TTBK1: variants seen among roughly 807,000 people sequenced by gnomAD.
The protein encoded by TTBK1 is tau tubulin kinase 1.
TTBK1 carries 34 observed loss-of-function variants against 108.5 expected under a neutral mutation model. The ratio of observed to expected loss-of-function variants is 0.31; its 90% CI spans 0.24 to 0.42. The LOEUF is 0.42. TTBK1 is among the 10% of genes least tolerant of loss of function. The probability of loss-of-function intolerance (pLI) is 1.00; values close to 1 mark genes in which losing one functional copy is unlikely to be tolerated. For missense variants in TTBK1, 1,539 were observed against 1,826.0 expected (o/e 0.84, Z 2.86); for synonymous variants, 809 against 795.1 (o/e 1.02, Z -0.29).
chr6:43,257,850 G>A lies in TTBK1; in HGVS notation c.900G>A (p.Arg300=). ...TGTTTGAGAACAGCATGAAGGAGAG[G>A]GGCATTGCCGAGAATGAGGCCTTTG... is the stretch of plus-strand genomic sequence containing the variant. ...MSVFENSMKE[R]GIAENEAFDW... is the part of the protein sequence containing the mutation. The change falls in exon 10 of 15, where the codon AGG becomes AGA. Residue 300 remains arginine, a synonymous_variant. Transcript: ENST00000259750. This position sits in a 1 kb window ranked among gnomAD's most constrained non-coding sequence, Gnocchi z 4.5. The A allele has an allele frequency of 6.2e-7, 1 of 1,613,948 alleles. No homozygotes were observed. The highest frequency in any genetic ancestry group is 8.5e-7 in the Non-Finnish European group (1 of 1,179,980).
At position 43,284,219 on chromosome 6, in the gene TTBK1, T is replaced by C. The variant is rs757054804; in HGVS notation, c.3479T>C (p.Ile1160Thr). ...AATRSRIPRP[I>T]GLRMPMPVAA... ...ACCAGGAGCCGGATTCCCCGCCCCATTGGCCTCCGCATGCCCATGCCTGTT... is the reference window on the plus strand; with the variant it reads ...ACCAGGAGCCGGATTCCCCGCCCCACTGGCCTCCGCATGCCCATGCCTGTT... Residue 1160 changes from isoleucine (I) to threonine (T), a missense_variant, in exon 14 of 15, where the codon ATT becomes ACT. Ile to Thr is a moderately conservative substitution (Grantham distance 89). Around this residue, in one of 5 missense-constraint regions of TTBK1, gnomAD observed 1,055 missense variants for 1,086.5 expected, o/e 0.97. Coordinates refer to ENST00000259750, the MANE Select transcript of TTBK1 (RefSeq NM_032538.3). 9 of 1,594,440 alleles carry C rather than the reference T, an allele frequency of 5.6e-6. No individual in the cohort carries two copies. Among genetic ancestry groups the C allele is most frequent in the South Asian group, 2.2e-5 (2 of 90,012 alleles).
chr6:43,275,919 A>G (rs1777972289), intron 13 of TTBK1, among the ~76,000 whole-genome samples: 1 of 152,148 alleles, frequency 6.6e-6, no homozygotes, highest in Non-Finnish European at 1.5e-5. Context: ...CCGGGCCCTC[A>G]GAGTTCTCAG....
At chr6:43,272,473 C>G (rs1486363831) in intron 13 of TTBK1, 1 of 985,298 alleles carries the variant, frequency 1.0e-6, no homozygotes, top group African/African-American at 1.7e-5. Flanking sequence ...AAACACACAC[C>G]CCCCACCTCA....
intron 13 of TTBK1, among the ~76,000 whole-genome samples, chr6:43,274,953 C>T (rs1777926078): frequency 6.6e-6 from 1 of 152,286 alleles, no homozygotes; most frequent in East Asian, 1.9e-4. Flanking sequence ...GACTCTCCTC[C>T]GCTTGGCTCC....
chr6:43,283,298 T>C lies in TTBK1; in HGVS notation c.2558T>C (p.Leu853Pro). ...DMKKSPVTAE[L>P]APDPDLGTLA... ...AAGAAGTCGCCCGTCACTGCCGAACTGGCCCCCGACCCCGACCTGGGCACC... is the reference window on the plus strand; with the variant it reads ...AAGAAGTCGCCCGTCACTGCCGAACCGGCCCCCGACCCCGACCTGGGCACC... Residue 853 changes from leucine (L) to proline (P), a missense_variant, in exon 14 of 15, where the codon CTG (leucine) becomes CCG (proline). Physicochemically the swap from Leu to Pro is moderately conservative, Grantham distance 98 (BLOSUM62 -3). Coordinates refer to ENST00000259750, the MANE Select transcript of TTBK1 (RefSeq NM_032538.3). This position sits in a 1 kb window ranked among gnomAD's most constrained non-coding sequence, Gnocchi z 8.1. The C allele has an allele frequency of 1.3e-6, 2 of 1,573,684 alleles. No individual in the cohort carries two copies. Among genetic ancestry groups the C allele is most frequent in the Non-Finnish European group, 1.7e-6 (2 of 1,159,588 alleles).
At chr6:43,277,551 G>A (rs1347005795) in intron 13 of TTBK1, among the ~76,000 whole-genome samples, 5 of 152,230 alleles carry the variant, frequency 3.3e-5, no homozygotes, top group African/African-American at 1.2e-4. Context: ...TCGCCCTGGG[G>A]CAGGCAAGGG....
chr6:43,284,096 G>A lies in TTBK1; in HGVS notation c.3356G>A (p.Arg1119His), dbSNP rs1244850827. 2.1e-5 allele frequency: 32 copies of A among 1,539,876 alleles called. No individual in the cohort carries two copies. In the African/African-American group the frequency reaches 2.2e-4, roughly 11 times the overall value. ...ASSSSSEEQR[R>H]ASETLSGTGS... ...TCCTCCTCCAGTGAGGAGCAGCGCC[G>A]TGCCTCTGAGACCCTCTCAGGCACG... Residue 1119 changes from arginine (R) to histidine (H), a missense_variant, in exon 14 of 15, where the codon CGT (arginine) becomes CAT (histidine). Physicochemically the swap from Arg to His is conservative, Grantham distance 29 (BLOSUM62 0). Coordinates refer to ENST00000259750, the MANE Select transcript of TTBK1 (RefSeq NM_032538.3).
At position 43,263,424 on chromosome 6, in the gene TTBK1, A is replaced by C; in HGVS notation, c.1986+74A>C. ...CTGGTGTGTAGGCCTGGGGTGCTCC[A>C]TGTGTGCTGGCACTACTGACCAGTA... is the stretch of plus-strand genomic sequence containing the variant. On this transcript the variant is annotated intron_variant, in intron 13 of 14. Transcript: ENST00000259750. This position sits in a 1 kb window ranked among gnomAD's most constrained non-coding sequence, Gnocchi z 4.7. 7.3e-7 allele frequency: 1 copy of C among 1,374,264 alleles called. No individual in the cohort carries two copies. The highest frequency in any genetic ancestry group is 9.6e-7 in the Non-Finnish European group (1 of 1,040,052). The allele number at this position is 1,374,264 out of a possible 1,614,324, so 85.1% of individuals were successfully genotyped here. A position where few individuals can be genotyped will look rare whatever the true frequency, so the allele number is the denominator to read the frequency against.
In TTBK1 at chr6:43,273,660, G is replaced by C. The variant is rs547169104; in HGVS notation, c.1987-9067G>C. Among the ~76,000 whole-genome samples, 2 of 152,320 alleles carry C rather than the reference G, an allele frequency of 1.3e-5. No individual in the cohort carries two copies. Among genetic ancestry groups the C allele is most frequent in the African/African-American group, 4.8e-5 (2 of 41,556 alleles). On this transcript the variant is annotated intron_variant, in intron 13 of 14. Transcript: ENST00000259750. This position sits in a 1 kb window ranked among gnomAD's most constrained non-coding sequence, Gnocchi z 4.2. ...TCCAAACAGTGTCAGGGAAGTGGCA[G>C]GTTCAGGGACTGTGGTAAACAGGGG...
At chr6:43,249,570 A>AT (rs539637497) in intron 2 of TTBK1, among the ~76,000 whole-genome samples, 320 of 148,832 alleles carry the variant, frequency 2.2e-3, no homozygotes, top group Non-Finnish European at 3.8e-3. Flanking sequence ...TCCCCTGATG[A>AT]TTTTTTTTTT....
At chr6:43,254,975 C>T in intron 6 of TTBK1, 74 bp from the exon 7 acceptor site, 8 of 1,443,822 alleles carry the variant, frequency 5.5e-6, no homozygotes, top group Non-Finnish European at 7.8e-6. Flanking sequence ...AAGAGTTAGA[C>T]TTGGTGGCAG....
Position 43,259,187 on chromosome 6 carries a change from TC to T in TTBK1, c.1171del (p.His391ThrfsTer64). ...GGGCTGGGCCCCAGTCCCCACCTTG[TC>T]CCCCACCCCGGGGGTCCTGAGGCTG... The part of the protein sequence containing the change: ...SEGLGPSPHL[V>X]PHPGGPEAEV... On this transcript the variant is annotated frameshift_variant, in exon 11 of 15. Coordinates refer to ENST00000259750, the MANE Select transcript of TTBK1 (RefSeq NM_032538.3). LOFTEE classifies it high-confidence loss of function. The surrounding 1 kb of genome is among the most constrained non-coding windows in gnomAD (Gnocchi z 6.7). The T allele has an allele frequency of 1.2e-6, 2 of 1,608,510 alleles. No homozygotes were observed. The highest frequency in any genetic ancestry group is 1.3e-5 in the African/African-American group (1 of 74,836).
In TTBK1 at chr6:43,283,384, T is replaced by C. The variant is rs1407807941; in HGVS notation, c.2644T>C (p.Ser882Pro). 1.4e-5 allele frequency: 23 copies of C among 1,608,490 alleles called. No homozygotes were observed. The highest frequency in any genetic ancestry group is 1.9e-5 in the Non-Finnish European group (22 of 1,177,466). ...PQPTGSQLDV[S>P]EPGTLSSVLK... Reference sequence around the variant, plus strand: ...GCCCACGGGCAGCCAGCTGGACGTATCTGAGCCAGGCACCCTGTCCTCTGT... The same window carrying C: ...GCCCACGGGCAGCCAGCTGGACGTACCTGAGCCAGGCACCCTGTCCTCTGT... Residue 882 changes from serine to proline, a missense_variant, in exon 14 of 15, where the codon TCT (serine) becomes CCT (proline). Physicochemically the swap from Ser to Pro is moderately conservative, Grantham distance 74. Around this residue, in one of 5 missense-constraint regions of TTBK1, gnomAD observed 1,055 missense variants for 1,086.5 expected, o/e 0.97. Coordinates refer to ENST00000259750, the MANE Select transcript of TTBK1 (RefSeq NM_032538.3). This position sits in a 1 kb window ranked among gnomAD's most constrained non-coding sequence, Gnocchi z 8.1.
chr6:43,259,580 C>T lies in TTBK1; in HGVS notation c.1298C>T (p.Ser433Phe). The T allele has an allele frequency of 6.2e-7, 1 of 1,608,746 alleles. No individual in the cohort carries two copies. The highest frequency in any genetic ancestry group is 8.5e-7 in the Non-Finnish European group (1 of 1,177,666). The change falls in exon 12 of 15, where the codon TCC (serine) becomes TTC (phenylalanine). Residue 433 changes from serine to phenylalanine, a missense_variant. This residue lies in a region of TTBK1 where 277 missense variants were observed against 332.4 expected (regional missense o/e 0.83). Coordinates refer to ENST00000259750, the MANE Select transcript of TTBK1 (RefSeq NM_032538.3). The surrounding 1 kb of genome is among the most constrained non-coding windows in gnomAD (Gnocchi z 6.7). ...EQSRGMGVPS[S>F]PVRAPPDSPT... ...AGCCGAGGCATGGGGGTCCCCAGCT[C>T]CCCAGTGCGTGCCCCCCCAGACTCC...
chr6:43,244,429 T>G (rs1777035769), intron 1 of TTBK1, among the ~76,000 whole-genome samples: 3 of 152,256 alleles, frequency 2.0e-5, no homozygotes, highest in Admixed American at 1.3e-4. Context: ...CATGCTCCTA[T>G]CTGCACTCTC....
intron 12 of TTBK1, among the ~76,000 whole-genome samples, chr6:43,261,157 GAC>G (rs1777530613): frequency 6.6e-6 from 1 of 152,210 alleles, no homozygotes; most frequent in African/African-American, 2.4e-5. Flanking sequence ...TGCACAGTCA[GAC>G]TGGGCAGGTC....
chr6:43,267,473 C>G (rs1189457396), intron 13 of TTBK1, among the ~76,000 whole-genome samples: 1 of 152,186 alleles, frequency 6.6e-6, no homozygotes, highest in African/African-American at 2.4e-5. Flanking sequence ...TCAATTTTCT[C>G]AGTGCCTGAT....
intron 12 of TTBK1, among the ~76,000 whole-genome samples, chr6:43,261,388 G>A (rs1460539966): frequency 1.3e-5 from 2 of 152,102 alleles, no homozygotes; most frequent in Non-Finnish European, 2.9e-5. Flanking sequence ...TGGCATTTGA[G>A]AGAGGGCGAT....
At chr6:43,275,544 C>G (rs1323621990) in intron 13 of TTBK1, among the ~76,000 whole-genome samples, 1 of 151,962 alleles carries the variant, frequency 6.6e-6, no homozygotes, top group Non-Finnish European at 1.5e-5. Flanking sequence ...TCGGAGGGCC[C>G]TGTCGCCCCA....
Sources: allele counts gnomAD v4.1 joint callset (sites outside exome capture counted in the v4.1 genomes callset), GRCh38; gene constraint gnomAD v4.1.1; regional missense constraint gnomAD v4.1.1; non-coding constraint Gnocchi (gnomAD v3.1); transcripts MANE v1.5; gene names NCBI Gene and HGNC (gene_info 2026-07-23, HGNC 2026-07-21).